PLCH1: variants seen among roughly 807,000 people sequenced by gnomAD.
PLCH1 encodes 1-phosphatidylinositol 4,5-bisphosphate phosphodiesterase eta-1.
PLCH1 carries 60 observed loss-of-function variants against 126.7 expected under a neutral mutation model. That is an observed-to-expected ratio of 0.47 (90% CI 0.38 to 0.59). PLCH1 has a LOEUF of 0.59. PLCH1 is among the 20% of genes least tolerant of loss of function. PLCH1 has a pLI of 0.00. For missense variants in PLCH1, 1,723 were observed against 2,040.0 expected, an observed-to-expected ratio of 0.84 and a Z score of 2.99; for synonymous variants, 719 against 734.9, an observed-to-expected ratio of 0.98 and a Z score of 0.35.
At chr3:155,676,620 TCCA>T (rs1744112644) in intron 2 of PLCH1, among the ~76,000 whole-genome samples, 1 of 151,946 alleles carries the variant, frequency 6.6e-6, no homozygotes, top group Non-Finnish European at 1.5e-5. Flanking sequence ...GCAAACACAA[TCCA>T]TTAAGAAATA....
intron 21 of PLCH1, among the ~76,000 whole-genome samples, chr3:155,469,928 A>C (rs1477444070): frequency 6.6e-6 from 1 of 152,164 alleles, no homozygotes; most frequent in Non-Finnish European, 1.5e-5. Flanking sequence ...CCATCTGTAC[A>C]TCATCATCAT....
At chr3:155,577,948 G>A (rs1199124321) in intron 6 of PLCH1, among the ~76,000 whole-genome samples, 1 of 152,144 alleles carries the variant, frequency 6.6e-6, no homozygotes, top group East Asian at 1.9e-4. Context: ...TGTTCAATTT[G>A]ACACTGTGAG....
chr3:155,564,322 C>T (rs762257936), intron 8 of PLCH1, among the ~76,000 whole-genome samples: 3 of 151,944 alleles, frequency 2.0e-5, no homozygotes, highest in Admixed American at 6.6e-5. Context: ...CCCAGCACTT[C>T]GGGAGGCTGA....
At chr3:155,598,353 A>G (rs1733259815) in intron 2 of PLCH1, among the ~76,000 whole-genome samples, 1 of 152,208 alleles carries the variant, frequency 6.6e-6, no homozygotes. Context: ...CAGCCACATT[A>G]ACCATCTCAC....
intron 6 of PLCH1, among the ~76,000 whole-genome samples, chr3:155,580,066 A>T (rs1730463108): frequency 6.6e-6 from 1 of 152,332 alleles, no homozygotes; most frequent in East Asian, 1.9e-4. Context: ...CATCCCTGCT[A>T]TCAAAAAATG....
Position 155,614,504 on chromosome 3 carries a change from G to A in PLCH1, c.80-18126C>T, listed in dbSNP as rs534542546. Among the ~76,000 whole-genome samples, 3 of 152,038 alleles carry A rather than the reference G, an allele frequency of 2.0e-5. No homozygotes were observed. The South Asian group carries it at 6.2e-4, about 32-fold the overall frequency. ...AAGACTAAGTAAAAAGAACAAATCT[G>A]GAGGCATCACATTACCCAACTTCAA... is the stretch of plus-strand genomic sequence containing the variant. On this transcript the variant is annotated intron_variant, in intron 2 of 22. Coordinates refer to ENST00000460012, the MANE Select transcript of PLCH1 (RefSeq NM_014996.4).
intron 2 of PLCH1, among the ~76,000 whole-genome samples, chr3:155,625,229 T>C (rs1465239283): frequency 6.6e-6 from 1 of 152,168 alleles, no homozygotes; most frequent in Admixed American, 6.5e-5. Context: ...TTACATTTTA[T>C]ACAAAAATTA....
chr3:155,615,233 G>A (rs538229148), intron 2 of PLCH1, among the ~76,000 whole-genome samples: 7 of 152,216 alleles, frequency 4.6e-5, no homozygotes, highest in East Asian at 1.9e-4. Context: ...ACCACAATGC[G>A]ATACCACCTT....
intron 21 of PLCH1, among the ~76,000 whole-genome samples, chr3:155,467,477 G>A (rs1346585633): frequency 6.6e-6 from 1 of 151,916 alleles, no homozygotes; most frequent in Admixed American, 6.6e-5. Context: ...TGGAGGCTGA[G>A]GAAGGAGAAT....
At chr3:155,692,016 C>G (rs192225305) in intron 2 of PLCH1, among the ~76,000 whole-genome samples, 1 of 148,790 alleles carries the variant, frequency 6.7e-6, no homozygotes, top group Admixed American at 6.7e-5. Context: ...GGCAACAGAG[C>G]GAGACTCTGT....
At chr3:155,488,339 A>G (rs1433054296) in intron 20 of PLCH1, among the ~76,000 whole-genome samples, 2 of 152,058 alleles carry the variant, frequency 1.3e-5, no homozygotes, top group Non-Finnish European at 2.9e-5. Context: ...CTGGGATTAC[A>G]GGCATGCACC....
chr3:155,687,398 C>T (rs1745034534), intron 2 of PLCH1, among the ~76,000 whole-genome samples: 1 of 152,026 alleles, frequency 6.6e-6, no homozygotes, highest in African/African-American at 2.4e-5. Flanking sequence ...AAACCAATAA[C>T]ATTTTATCAC....
chr3:155,630,202 T>C (rs13081512), intron 2 of PLCH1, among the ~76,000 whole-genome samples: 63 of 152,310 alleles, frequency 4.1e-4, no homozygotes, highest in Non-Finnish European at 8.1e-4. Flanking sequence ...CCAACTCTTG[T>C]TGGTTGCCTT....
intron 1 of PLCH1, among the ~76,000 whole-genome samples, chr3:155,731,588 C>T (rs1027699726): frequency 1.1e-4 from 17 of 152,162 alleles, no homozygotes; most frequent in African/African-American, 4.1e-4. Context: ...GAAGGGCTGA[C>T]TGATAAAAGG....
intron 2 of PLCH1, among the ~76,000 whole-genome samples, chr3:155,648,011 G>A (rs1037226639): frequency 6.6e-6 from 1 of 152,264 alleles, no homozygotes; most frequent in African/African-American, 2.4e-5. Context: ...TTTATCCAAA[G>A]GCAATAAAAC....
chr3:155,672,608 G>T (rs1743630715), intron 2 of PLCH1, among the ~76,000 whole-genome samples: 1 of 152,074 alleles, frequency 6.6e-6, no homozygotes, highest in African/African-American at 2.4e-5. Context: ...TTTTTTGTTT[G>T]CCATAAAAGA....
intron 22 of PLCH1, among the ~76,000 whole-genome samples, chr3:155,484,962 CAATCATGGAAATGTGTT>C: frequency 6.6e-6 from 1 of 152,320 alleles, no homozygotes; most frequent in East Asian, 1.9e-4. Context: ...TAAACATTTC[CAATCATGGAAATGTGTT>C]ATATGGTAAG....
chr3:155,538,382 A>G (rs1360674482), intron 10 of PLCH1, among the ~76,000 whole-genome samples: 1 of 152,168 alleles, frequency 6.6e-6, no homozygotes, highest in Non-Finnish European at 1.5e-5. Context: ...GCAGAAGAAA[A>G]GAAATAACAA....
rs1347863739 is a variant in PLCH1 at position 155,480,770 on chromosome 3, A to G, written c.*198T>C. 12 of 563,864 alleles carry G rather than the reference A, an allele frequency of 2.1e-5. No individual in the cohort carries two copies. The highest frequency in any genetic ancestry group is 3.1e-5 in the Non-Finnish European group (10 of 319,608). The allele number at this position is 563,864 out of a possible 1,614,324, so 34.9% of individuals were successfully genotyped here. A position where few individuals can be genotyped will look rare whatever the true frequency, so the allele number is the denominator to read the frequency against. ...TACAACAACTCAAGGGAGAAAGATC[A>G]TAATAGGTACATGGGAAATGTCACC... On this transcript the variant is annotated 3_prime_UTR_variant, in exon 23 of 23. Transcript: ENST00000460012.
Sources: gnomAD v4.1 joint callset for allele counts (sites outside exome capture counted in the v4.1 genomes callset) on GRCh38, gnomAD v4.1.1 for gene constraint, MANE v1.5 for transcripts, NCBI Gene and HGNC (gene_info 2026-07-23, HGNC 2026-07-21) for gene names.